DCX: variants seen among roughly 807,000 people sequenced by gnomAD.
The protein encoded by DCX is doublecortin.
Under a neutral mutation model 20.9 loss-of-function variants are expected in DCX, and 4 were observed. That is an observed-to-expected ratio of 0.19 (90% CI 0.09 to 0.44). The LOEUF is 0.44. Among genes scored for constraint, DCX ranks in the 20% least tolerant of loss-of-function variants. The probability of loss-of-function intolerance (pLI) is 0.99; values close to 1 mark genes in which losing one functional copy is unlikely to be tolerated. For synonymous variants in DCX, 103 were observed against 111.4 expected (o/e 0.92, Z 0.47); for missense variants, 133 against 296.9 (o/e 0.45, Z 4.06).
At chrX:111,371,311 T>C (rs1442821107) in intron 3 of DCX, among the ~76,000 whole-genome samples, 1 of 112,022 alleles carries the variant, frequency 8.9e-6, no homozygotes, top group Non-Finnish European at 1.9e-5. Flanking sequence ...TTCTGATTTT[T>C]TTCTAGGTAA....
rs1305054138 is a variant in DCX at position 111,294,858 on chromosome X, T to C, written c.*6829A>G. On this transcript the variant is annotated 3_prime_UTR_variant, in exon 7 of 7. Coordinates refer to ENST00000636035, the MANE Select transcript of DCX (RefSeq NM_001195553.2). The stretch of plus-strand genomic sequence containing the variant: ...CTACAACCACCAATTACAGCTGTTT[T>C]GCTACAGGTACTCAATTCTAACTAC... 1 of 112,621 alleles carries C rather than the reference T, an allele frequency of 8.9e-6. No homozygotes were observed. Among genetic ancestry groups the C allele is most frequent in the Non-Finnish European group, 1.9e-5 (1 of 53,286 alleles). 9.3% of individuals were successfully genotyped at this position (112,621 alleles called of 1,213,427 possible).
chrX:111,320,940 G>T (rs1051724415), intron 5 of DCX, among the ~76,000 whole-genome samples: 3 of 109,741 alleles, frequency 2.7e-5, no homozygotes, highest in Non-Finnish European at 3.8e-5. Flanking sequence ...AGCCTATATG[G>T]TTTTTTTGTT....
chrX:111,314,949 G>C (rs1489457028), intron 5 of DCX, among the ~76,000 whole-genome samples: 1 of 106,698 alleles, frequency 9.4e-6, no homozygotes, highest in Non-Finnish European at 1.9e-5. Context: ...TTGCTGTGCA[G>C]AAGCTCTTTA....
chrX:111,398,611 G>A (rs1927528177), intron 3 of DCX, among the ~76,000 whole-genome samples: 1 of 111,813 alleles, frequency 8.9e-6, no homozygotes, highest in Non-Finnish European at 1.9e-5. Flanking sequence ...CCCAAAGAAA[G>A]GGAACTGATG....
intron 3 of DCX, among the ~76,000 whole-genome samples, chrX:111,361,470 C>G (rs925922951): frequency 8.9e-6 from 1 of 111,819 alleles, no homozygotes; most frequent in African/African-American, 3.3e-5. Flanking sequence ...GAGAGAATTG[C>G]CAGACTTCAT....
At chrX:111,352,600 T>C (rs1217191650) in intron 3 of DCX, among the ~76,000 whole-genome samples, 1 of 112,065 alleles carries the variant, frequency 8.9e-6, no homozygotes, top group African/African-American at 3.2e-5. Context: ...AGTCCTGGCA[T>C]CCTTCCCAGG....
At chrX:111,384,074 A>C (rs1363319405) in intron 3 of DCX, among the ~76,000 whole-genome samples, 1 of 112,123 alleles carries the variant, frequency 8.9e-6, no homozygotes, top group African/African-American at 3.2e-5. Context: ...TTTCTACTTC[A>C]AAGCTTAGAC....
At chrX:111,329,954 C>T (rs1921065224) in intron 5 of DCX, among the ~76,000 whole-genome samples, 1 of 112,048 alleles carries the variant, frequency 8.9e-6, no homozygotes, top group East Asian at 2.8e-4. Context: ...ATATAGTTTC[C>T]TTAGTGTGAA....
chrX:111,333,290 C>T, intron 3 of DCX, 137 bp from the exon 4 acceptor site: 2 of 515,794 alleles, frequency 3.9e-6, no homozygotes, highest in Non-Finnish European at 7.0e-6. Flanking sequence ...CTTAAAACAC[C>T]TACCACATTC....
intron 3 of DCX, among the ~76,000 whole-genome samples, chrX:111,364,809 A>G: frequency 8.9e-6 from 1 of 111,765 alleles, no homozygotes; most frequent in Non-Finnish European, 1.9e-5. Context: ...AAAAGTGGTT[A>G]CCCTTGGGAA....
At chrX:111,326,470 A>G (rs1403571033) in intron 5 of DCX, among the ~76,000 whole-genome samples, 1 of 111,986 alleles carries the variant, frequency 8.9e-6, no homozygotes, top group African/African-American at 3.2e-5. Context: ...ACCTTCGCTC[A>G]TCAAAATGGC....
rs183978713 is a variant in DCX, at chrX:111,312,066, T to C, written c.1044+573A>G. Among the ~76,000 whole-genome samples, 5 of 112,739 alleles carry C rather than the reference T, an allele frequency of 4.4e-5. No homozygotes were observed. In the East Asian group the frequency reaches 1.4e-3, roughly 31 times the overall value. ...TTTTGTTATTTAATGATATACTTAT[T>C]TGGAATAGTTTAAGGGGTATACATG... On this transcript the variant is annotated intron_variant, in intron 6 of 6. Transcript: ENST00000636035.
chrX:111,320,482 C>G (rs942058870), intron 5 of DCX, among the ~76,000 whole-genome samples: 1 of 111,647 alleles, frequency 9.0e-6, no homozygotes, highest in Non-Finnish European at 1.9e-5. Flanking sequence ...CTTTATTCTT[C>G]TTTGCTAACC....
Position 111,332,735 on chromosome X carries a change from A to G in DCX, c.808+316T>C, listed in dbSNP as rs776734129. 4.5e-5 allele frequency among the ~76,000 whole-genome samples: 5 copies of G among 112,275 alleles called. No individual in the cohort carries two copies. The East Asian group carries it at 1.4e-3, about 32-fold the overall frequency. ...ATGTACAATATCCAAGTTCTGACTG[A>G]AAATATTCCTTCCTGTGGTCTGATT... On this transcript the variant is annotated intron_variant, in intron 4 of 6. Coordinates refer to ENST00000636035, the MANE Select transcript of DCX (RefSeq NM_001195553.2).
rs930178212 is a variant in DCX at position 111,296,412 on chromosome X, C to T, written c.*5275G>A. On this transcript the variant is annotated 3_prime_UTR_variant, in exon 7 of 7. Coordinates refer to ENST00000636035, the MANE Select transcript of DCX (RefSeq NM_001195553.2). ...AGGCATCCAAGGTAAGAAAAAATCACCTCTGATTCCAGAAGATGTTGAAGC... is the reference window on the plus strand; with the variant it reads ...AGGCATCCAAGGTAAGAAAAAATCATCTCTGATTCCAGAAGATGTTGAAGC... 1 of 111,326 alleles carries T rather than the reference C, an allele frequency of 9.0e-6. No homozygotes were observed. The highest frequency in any genetic ancestry group is 1.9e-5 in the Non-Finnish European group (1 of 53,134). The allele number at this position is 111,326 out of a possible 1,213,427, so 9.2% of individuals were successfully genotyped here. A position where few individuals can be genotyped will look rare whatever the true frequency, so the allele number is the denominator to read the frequency against.
intron 3 of DCX, among the ~76,000 whole-genome samples, chrX:111,354,140 T>A (rs1277840610): frequency 8.9e-6 from 1 of 111,893 alleles, no homozygotes; most frequent in Non-Finnish European, 1.9e-5. Flanking sequence ...GAATGTTCAG[T>A]TATGGTTCTC....
intron 2 of DCX, among the ~76,000 whole-genome samples, chrX:111,402,804 T>C (rs1338967582): frequency 9.3e-6 from 1 of 107,022 alleles, no homozygotes. Context: ...TGTGTGTGTG[T>C]GTGTGTGTGT....
At chrX:111,385,606 G>A (rs1228614493) in intron 3 of DCX, among the ~76,000 whole-genome samples, 1 of 109,955 alleles carries the variant, frequency 9.1e-6, no homozygotes, top group Admixed American at 9.8e-5. Flanking sequence ...CAGTGAGCCA[G>A]AATCATGCCA....
At chrX:111,350,747 G>A (rs748436281) in intron 3 of DCX, among the ~76,000 whole-genome samples, 30 of 111,980 alleles carry the variant, frequency 2.7e-4, no homozygotes, top group African/African-American at 8.4e-4. Context: ...TTTGGGAAAG[G>A]GTTAGTGTAT....
Sources: gnomAD v4.1 joint callset for allele counts (sites outside exome capture counted in the v4.1 genomes callset) on GRCh38, gnomAD v4.1.1 for gene constraint, MANE v1.5 for transcripts, NCBI Gene and HGNC (gene_info 2026-07-23, HGNC 2026-07-21) for gene names.